The following PAPPA variants were observed in gnomAD, a reference collection of about 807,000 sequenced individuals.
PAPPA encodes the protein pappalysin 1.
PAPPA carries 60 observed loss-of-function variants against 164.0 expected under a neutral mutation model. That is an observed-to-expected ratio of 0.37 (90% CI 0.30 to 0.45). The LOEUF (loss-of-function observed/expected upper bound fraction) is 0.45, where lower values mean the gene tolerates loss of function less well. Among genes scored for constraint, PAPPA ranks in the 20% least tolerant of loss-of-function variants. The pLI, the probability that PAPPA is intolerant of heterozygous loss-of-function variation, is 1.00. For synonymous variants in PAPPA, 875 were observed against 814.1 expected (o/e 1.07, Z -1.27); for missense variants, 1,782 against 2,087.3 (o/e 0.85, Z 2.85).
chr9:116,350,797 G>A (rs548994296), intron 15 of PAPPA, among the ~76,000 whole-genome samples: 1 of 152,208 alleles, frequency 6.6e-6, no homozygotes, highest in African/African-American at 2.4e-5. Flanking sequence ...GACACTGACT[G>A]GTATTCTGGA....
chr9:116,241,502 G>T (rs1844735070), intron 7 of PAPPA, among the ~76,000 whole-genome samples: 1 of 152,172 alleles, frequency 6.6e-6, no homozygotes, highest in African/African-American at 2.4e-5. Context: ...TTTGGAATAT[G>T]AATTTCTTAT....
In PAPPA at chr9:116,209,704, C is replaced by T. The variant is rs182638646; in HGVS notation, c.1625-1935C>T. Among the ~76,000 whole-genome samples the T allele has an allele frequency of 1.9e-3, 284 of 152,250 alleles. 2 individuals are homozygous for T. Among genetic ancestry groups the T allele is most frequent in the Admixed American group, 4.3e-3 (65 of 15,290 alleles). ...GATGAGGTAAAGCAAACAGGGCTAG[C>T]CTAGACATTAAGTCTGCAATCCAAT... is the stretch of plus-strand genomic sequence containing the variant. On this transcript the variant is annotated intron_variant, in intron 3 of 21. Coordinates refer to ENST00000328252, the MANE Select transcript of PAPPA (RefSeq NM_002581.5).
At chr9:116,289,420 G>A (rs934597250) in intron 9 of PAPPA, among the ~76,000 whole-genome samples, 2 of 141,674 alleles carry the variant, frequency 1.4e-5, no homozygotes, top group African/African-American at 5.2e-5. Flanking sequence ...CATATATATA[G>A]CATATATATA....
At position 116,295,813 on chromosome 9, in the gene PAPPA, A is replaced by G. The variant is rs1345821145; in HGVS notation, c.2954-6944A>G. Among the ~76,000 whole-genome samples, 7 of 152,266 alleles carry G rather than the reference A, an allele frequency of 4.6e-5. No homozygotes were observed. The South Asian group carries it at 8.3e-4, about 18-fold the overall frequency. Reference sequence around the variant, plus strand: ...ATGTTTCTCCCAAATCATTTTGTCAAGGAAGCCTTCTCTCATTTTCCCAAG... The same window carrying G: ...ATGTTTCTCCCAAATCATTTTGTCAGGGAAGCCTTCTCTCATTTTCCCAAG... On this transcript the variant is annotated intron_variant, in intron 9 of 21. Coordinates refer to ENST00000328252, the MANE Select transcript of PAPPA (RefSeq NM_002581.5).
intron 9 of PAPPA, among the ~76,000 whole-genome samples, chr9:116,289,155 T>TAGC (rs1845388101): frequency 3.0e-5 from 1 of 32,968 alleles, no homozygotes; most frequent in Non-Finnish European, 6.1e-5. Flanking sequence ...TATATATATA[T>TAGC]ATATAGCATA....
In PAPPA at chr9:116,331,255, C is replaced by A; in HGVS notation, c.3159C>A (p.Thr1053=). The change falls in exon 11 of 22, where the codon ACC becomes ACA. Residue 1053 remains threonine, a synonymous_variant. Coordinates refer to ENST00000328252, the MANE Select transcript of PAPPA (RefSeq NM_002581.5). The part of the protein sequence containing the change: ...GQPAASQVCR[T]KVIDLSEGIS... The stretch of plus-strand genomic sequence containing the variant: ...TTATATTTTTCCAGGTGTGTCGAAC[C>A]AAGGTGATAGATCTCAGTGAAGGCA... 1 of 1,602,094 alleles carries A rather than the reference C, an allele frequency of 6.2e-7. No homozygotes were observed. The highest frequency in any genetic ancestry group is 8.6e-7 in the Non-Finnish European group (1 of 1,169,306).
At chr9:116,267,445 T>G (rs10983093) in intron 8 of PAPPA, among the ~76,000 whole-genome samples, 21,873 of 152,286 alleles carry the variant, frequency 0.14, 2,094 homozygotes, top group Admixed American at 0.27. Context: ...GATCAGATGA[T>G]TGGTAAATTA....
intron 4 of PAPPA, among the ~76,000 whole-genome samples, chr9:116,215,569 C>A (rs1307078287): frequency 6.6e-6 from 1 of 152,094 alleles, no homozygotes; most frequent in Admixed American, 6.6e-5. Flanking sequence ...CAGAGGGGAA[C>A]AACACACACT....
chr9:116,191,391 G>A (rs943447051), intron 2 of PAPPA, among the ~76,000 whole-genome samples: 18 of 152,138 alleles, frequency 1.2e-4, no homozygotes, highest in African/African-American at 4.3e-4. Flanking sequence ...GTGGTCTTGG[G>A]GTTGAGCACT....
chr9:116,323,701 C>A (rs781082169), intron 10 of PAPPA, among the ~76,000 whole-genome samples: 1 of 152,220 alleles, frequency 6.6e-6, no homozygotes, highest in Admixed American at 6.5e-5. Flanking sequence ...CAGAAGTCAA[C>A]AGGATGTTCA....
At position 116,396,947 on chromosome 9, in the gene PAPPA, G is replaced by A. The variant is rs1846972850; in HGVS notation, c.*331G>A. ...CTATATCTAGAGTGTGCCCATCTGT[G>A]TTTAGTACACATGCATGCATACACA... On this transcript the variant is annotated 3_prime_UTR_variant, in exon 22 of 22. Coordinates refer to ENST00000328252, the MANE Select transcript of PAPPA (RefSeq NM_002581.5). The A allele has an allele frequency of 9.3e-6, 3 of 323,518 alleles. No homozygotes were observed. In the East Asian group the frequency reaches 1.9e-4, roughly 20 times the overall value. 20.0% of individuals were successfully genotyped at this position (323,518 alleles called of 1,614,324 possible). A position where few individuals can be genotyped will look rare whatever the true frequency, so the allele number is the denominator to read the frequency against.
At chr9:116,162,026 G>T (rs547301881) in intron 1 of PAPPA, among the ~76,000 whole-genome samples, 5 of 152,076 alleles carry the variant, frequency 3.3e-5, no homozygotes, top group African/African-American at 9.7e-5. Flanking sequence ...CACAGCCCAG[G>T]CTTCAGATCT....
In PAPPA at chr9:116,159,128, C is replaced by G. The variant is rs79851548; in HGVS notation, c.415+4541C>G. 9.3e-3 allele frequency among the ~76,000 whole-genome samples: 1,416 copies of G among 152,344 alleles called. 8 individuals carry two copies. The highest frequency in any genetic ancestry group is 0.014 in the Admixed American group (212 of 15,296). ...TGTTTTTCTTTTCACATCAAATTATCAGACAGACAGGCTTGGAATTTCTCT... is the reference window on the plus strand; with the variant it reads ...TGTTTTTCTTTTCACATCAAATTATGAGACAGACAGGCTTGGAATTTCTCT... On this transcript the variant is annotated intron_variant, in intron 1 of 21. Coordinates refer to ENST00000328252, the MANE Select transcript of PAPPA (RefSeq NM_002581.5).
chr9:116,389,545 C>T (rs1231923429), intron 21 of PAPPA, among the ~76,000 whole-genome samples: 1 of 152,172 alleles, frequency 6.6e-6, no homozygotes. Flanking sequence ...CCCCTTTCCA[C>T]TGTCTATGCC....
chr9:116,261,704 G>A lies in PAPPA; in HGVS notation c.2733-4153G>A, dbSNP rs16933354. ...TTTCACAACCTGTAATTAAATTTTA[G>A]TGTAAGTTGTGCTCTAAATTCGATA... On this transcript the variant is annotated intron_variant, in intron 7 of 21. Coordinates refer to ENST00000328252, the MANE Select transcript of PAPPA (RefSeq NM_002581.5). Among the ~76,000 whole-genome samples, 937 of 151,988 alleles carry A rather than the reference G, an allele frequency of 6.2e-3. 17 individuals carry two copies. Among genetic ancestry groups the A allele is most frequent in the African/African-American group, 0.022 (900 of 41,450 alleles).
At chr9:116,364,596 CACAA>C (rs1846474967) in intron 18 of PAPPA, among the ~76,000 whole-genome samples, 2 of 152,148 alleles carry the variant, frequency 1.3e-5, no homozygotes, top group Non-Finnish European at 2.9e-5. Flanking sequence ...CTTCAACAAA[CACAA>C]ACACATTTTA....
chr9:116,375,797 A>G (rs1846641599), intron 19 of PAPPA, among the ~76,000 whole-genome samples: 1 of 152,196 alleles, frequency 6.6e-6, no homozygotes, highest in Non-Finnish European at 1.5e-5. Context: ...ATTTTGGCCC[A>G]GGTGACTCTT....
chr9:116,305,054 C>A (rs746581825), intron 10 of PAPPA, among the ~76,000 whole-genome samples: 5 of 151,654 alleles, frequency 3.3e-5, no homozygotes, highest in Non-Finnish European at 7.4e-5. Flanking sequence ...AAGTCATTCA[C>A]AAACACACAC....
At chr9:116,379,437 T>C (rs543706394) in intron 20 of PAPPA, among the ~76,000 whole-genome samples, 18 of 152,304 alleles carry the variant, frequency 1.2e-4, no homozygotes, top group African/African-American at 4.1e-4. Flanking sequence ...GAGAACCTCT[T>C]ATATGCCAGA....
Sources: allele counts gnomAD v4.1 joint callset (sites outside exome capture counted in the v4.1 genomes callset), GRCh38; gene constraint gnomAD v4.1.1; transcripts MANE v1.5; gene names NCBI Gene and HGNC (gene_info 2026-07-23, HGNC 2026-07-21).